The following RAB7B variants were observed in gnomAD, a reference collection of about 807,000 sequenced individuals.
The protein encoded by RAB7B is RAB7B, member RAS oncogene family.
At chr1:205,990,532 CAGAG>C (rs1217686492) in intron 4 of RAB7B, among the ~76,000 whole-genome samples, 5 of 149,246 alleles carry the variant, frequency 3.4e-5, no homozygotes, top group African/African-American at 7.3e-5. Flanking sequence ...GTGGATTCAA[CAGAG>C]AGAGAGAGAG....
rs995652239 is a variant in RAB7B, at chr1:205,978,685, T to C, written c.*166A>G. 28 of 392,118 alleles carry C rather than the reference T, an allele frequency of 7.1e-5. No homozygotes were observed. Among genetic ancestry groups the C allele is most frequent in the Non-Finnish European group, 1.1e-4 (25 of 222,458 alleles). 24.3% of individuals were successfully genotyped at this position (392,118 alleles called of 1,614,324 possible). ...TGAGCCAGGGGCTGCCCTCTGACTC[T>C]GGGCCCAGCACCAGGGTCAAGGGCT... On this transcript the variant is annotated 3_prime_UTR_variant, in exon 6 of 6. Transcript: ENST00000617070.
chr1:205,995,533 C>T (rs960040570), intron 1 of RAB7B, among the ~76,000 whole-genome samples: 5 of 152,008 alleles, frequency 3.3e-5, no homozygotes, highest in African/African-American at 9.7e-5. Context: ...AAAATCGGTA[C>T]ATGTACACAA....
In RAB7B at chr1:205,977,274, A is replaced by G. The variant is rs1660398154; in HGVS notation, c.*1577T>C. The G allele has an allele frequency of 6.6e-6, 1 of 152,174 alleles. No homozygotes were observed. The highest frequency in any genetic ancestry group is 1.9e-4 in the East Asian group (1 of 5,188). The allele number at this position is 152,174 out of a possible 1,614,324, so 9.4% of individuals were successfully genotyped here. Reference sequence around the variant, plus strand: ...TCTGTGCTGCCTGGAGCCAGAAGAAAAAGATTCCAGCCTTGGAATCTGCAG... The same window carrying G: ...TCTGTGCTGCCTGGAGCCAGAAGAAGAAGATTCCAGCCTTGGAATCTGCAG... On this transcript the variant is annotated 3_prime_UTR_variant, in exon 6 of 6. Transcript: ENST00000617070.
chr1:205,990,568 C>A (rs1246079019), intron 4 of RAB7B, among the ~76,000 whole-genome samples: 1 of 152,106 alleles, frequency 6.6e-6, no homozygotes, highest in East Asian at 1.9e-4. Context: ...CTGGGGCTGG[C>A]TAAATCCCAC....
intron 1 of RAB7B, among the ~76,000 whole-genome samples, chr1:205,998,128 G>T (rs1660834442): frequency 6.6e-6 from 1 of 152,160 alleles, no homozygotes; most frequent in Non-Finnish European, 1.5e-5. Flanking sequence ...GGCCAAGGTG[G>T]GCGGATCATG....
At chr1:205,990,118 T>A (rs1660695339) in intron 4 of RAB7B, among the ~76,000 whole-genome samples, 1 of 152,196 alleles carries the variant, frequency 6.6e-6, no homozygotes, top group Non-Finnish European at 1.5e-5. Flanking sequence ...ATGTCAGATA[T>A]AAAGCAGGTG....
chr1:205,993,629 A>T (rs1660762432), intron 2 of RAB7B, 83 bp from the exon 3 acceptor site: 1 of 397,212 alleles, frequency 2.5e-6, no homozygotes, highest in South Asian at 1.3e-4. Context: ...GAATCTTCCC[A>T]GGCCCCTCTT....
intron 4 of RAB7B, among the ~76,000 whole-genome samples, chr1:205,987,568 C>T (rs1031572903): frequency 6.6e-6 from 1 of 152,066 alleles, no homozygotes; most frequent in Non-Finnish European, 1.5e-5. Flanking sequence ...ATTACTAAAC[C>T]ATTAAACCAT....
intron 1 of RAB7B, among the ~76,000 whole-genome samples, chr1:205,996,896 A>G (rs1660819149): frequency 6.6e-6 from 1 of 152,202 alleles, no homozygotes; most frequent in Non-Finnish European, 1.5e-5. Flanking sequence ...CTCACTCACT[A>G]TTATAAGAAC....
rs1047139875 is a variant in RAB7B at position 205,977,980 on chromosome 1, G to C, written c.*871C>G. ...CTGCGTCTCTCCCTCACCAGATGTC[G>C]GCTCCAGGAGGGCAGAGTCCCTGTG... On this transcript the variant is annotated 3_prime_UTR_variant, in exon 6 of 6. Coordinates refer to ENST00000617070, the MANE Select transcript of RAB7B (RefSeq NM_001164522.3). 6.6e-6 allele frequency: 1 copy of C among 152,162 alleles called. No homozygotes were observed. The highest frequency in any genetic ancestry group is 1.5e-5 in the Non-Finnish European group (1 of 68,056). 9.4% of individuals were successfully genotyped at this position (152,162 alleles called of 1,614,324 possible). A position where few individuals can be genotyped will look rare whatever the true frequency, so the allele number is the denominator to read the frequency against.
intron 1 of RAB7B, 102 bp from the exon 2 acceptor site, chr1:205,994,253 G>A (rs1660773269): frequency 2.5e-6 from 1 of 395,866 alleles, no homozygotes; most frequent in Non-Finnish European, 4.5e-6. Flanking sequence ...GCAAGTTACT[G>A]CCCTGGGCCC....
chr1:205,990,777 C>CTTT lies in RAB7B; in HGVS notation c.396+1700_396+1702dup, dbSNP rs1286293072. 2.4e-4 allele frequency among the ~76,000 whole-genome samples: 21 copies of CTTT among 88,274 alleles called. No homozygotes were observed. In the Admixed American group the frequency reaches 3.1e-3, roughly 13 times the overall value. 57.9% of individuals were successfully genotyped at this position (88,274 alleles called of 152,430 possible). On this transcript the variant is annotated intron_variant, in intron 4 of 5. Coordinates refer to ENST00000617070, the MANE Select transcript of RAB7B (RefSeq NM_001164522.3). ...CTCAGGCCAGAGAGTGCAAGACTGTCTTTTTCTTTCTTTCTTTTTTTTTTT... is the reference window on the plus strand; with the variant it reads ...CTCAGGCCAGAGAGTGCAAGACTGTCTTTTTTTTCTTTCTTTCTTTTTTTTTTT...
intron 4 of RAB7B, among the ~76,000 whole-genome samples, chr1:205,986,855 G>A (rs1350206072): frequency 6.6e-6 from 1 of 152,038 alleles, no homozygotes; most frequent in Non-Finnish European, 1.5e-5. Flanking sequence ...CCAGAACACA[G>A]TGCAGGCCGA....
rs1660583688 is a variant in RAB7B at position 205,985,747 on chromosome 1, C to CCCACCAGGCCCACCAGGCACA, written c.397-83_397-82insTGTGCCTGGTGGGCCTGGTGG. The CCCACCAGGCCCACCAGGCACA allele has an allele frequency of 9.9e-6, 3 of 303,068 alleles. 1 individual carries two copies. The highest frequency in any genetic ancestry group is 1.7e-5 in the Non-Finnish European group (3 of 172,126). The allele number at this position is 303,068 out of a possible 1,614,324, so 18.8% of individuals were successfully genotyped here. On this transcript the variant is annotated intron_variant, in intron 4 of 5. Coordinates refer to ENST00000617070, the MANE Select transcript of RAB7B (RefSeq NM_001164522.3). Reference sequence around the variant, plus strand: ...TTGCCACCATCACATCCCCACCATCCCCATCAGGCCCACCATCCCCACCAT... The same window carrying CCCACCAGGCCCACCAGGCACA: ...TTGCCACCATCACATCCCCACCATCCCCACCAGGCCCACCAGGCACACCATCAGGCCCACCATCCCCACCAT...
At chr1:206,000,748 C>A (rs1453259225) in intron 1 of RAB7B, among the ~76,000 whole-genome samples, 1 of 152,334 alleles carries the variant, frequency 6.6e-6, no homozygotes, top group African/African-American at 2.4e-5. Context: ...TGGCTGACTT[C>A]AAGCTACCAG....
chr1:205,982,010 A>C (rs1335885536), intron 5 of RAB7B, among the ~76,000 whole-genome samples: 1 of 152,150 alleles, frequency 6.6e-6, no homozygotes, highest in Non-Finnish European at 1.5e-5. Flanking sequence ...CAATGTTAAC[A>C]CCTACTCCGG....
intron 4 of RAB7B, among the ~76,000 whole-genome samples, chr1:205,992,050 T>G (rs1660730465): frequency 6.6e-6 from 1 of 152,226 alleles, no homozygotes; most frequent in Non-Finnish European, 1.5e-5. Flanking sequence ...AGAAATGCTG[T>G]GCCACAGATT....
chr1:205,998,724 C>G (rs1478343271), intron 1 of RAB7B, among the ~76,000 whole-genome samples: 1 of 152,170 alleles, frequency 6.6e-6, no homozygotes, highest in African/African-American at 2.4e-5. Flanking sequence ...TTGGTGGGCA[C>G]TGTGCTGAGG....
rs1037919057 is a variant in RAB7B, at chr1:205,987,215, C to T, written c.397-1550G>A. Among the ~76,000 whole-genome samples, 1,036 of 152,264 alleles carry T rather than the reference C, an allele frequency of 6.8e-3. 15 individuals are homozygous for T. Among genetic ancestry groups the T allele is most frequent in the African/African-American group, 0.024 (1,001 of 41,554 alleles). On this transcript the variant is annotated intron_variant, in intron 4 of 5. Coordinates refer to ENST00000617070, the MANE Select transcript of RAB7B (RefSeq NM_001164522.3). The stretch of plus-strand genomic sequence containing the variant: ...ATTTTTCACTTTTCTCTTCCAATCC[C>T]AGAGACAGTTTCATGATTTTTAAAA...
Sources: allele counts gnomAD v4.1 joint callset (sites outside exome capture counted in the v4.1 genomes callset), GRCh38; gene constraint gnomAD v4.1.1; transcripts MANE v1.5; gene names NCBI Gene and HGNC (gene_info 2026-07-23, HGNC 2026-07-21).